EPS15: variants seen among roughly 807,000 people sequenced by gnomAD.
The protein encoded by EPS15 is epidermal growth factor receptor pathway substrate 15, also known as epidermal growth factor receptor substrate 15.
Under a neutral mutation model 113.8 loss-of-function variants are expected in EPS15, and 72 were observed. That is an observed-to-expected ratio of 0.63 (90% CI 0.52 to 0.77). EPS15 has a LOEUF of 0.77. Among genes scored for constraint, EPS15 ranks in the 30% least tolerant of loss-of-function variants. EPS15 has a pLI of 0.00. For missense variants in EPS15, 1,048 were observed against 1,045.8 expected, an observed-to-expected ratio of 1.00 and a Z score of -0.03; for synonymous variants, 344 against 363.4, an observed-to-expected ratio of 0.95 and a Z score of 0.61.
rs1457938397 is a variant in EPS15, at chr1:51,421,857, C to A, written c.1042G>T (p.Glu348Ter). 1.2e-6 allele frequency: 2 copies of A among 1,611,444 alleles called. No homozygotes were observed. Among genetic ancestry groups the A allele is most frequent in the Non-Finnish European group, 1.7e-6 (2 of 1,178,444 alleles). Residue 348 changes from glutamate to a stop codon, truncating the protein, a stop_gained and splice_region_variant, in exon 13 of 25, where the codon GAA (glutamate) becomes TAA (stop). Coordinates refer to ENST00000371733, the MANE Select transcript of EPS15 (RefSeq NM_001981.3). LOFTEE classifies it high-confidence loss of function. ...AGGTCCTGTTCCACATTATTCTTTT[C>A]CCTAGAAGACCAGCAAACAATGCAA... Reference protein sequence around the residue: ...LNNEIVDLQREKNNVEQDLKE... With the variant: ...LNNEIVDLQR
chr1:51,419,786 A>G (rs1650573275), intron 13 of EPS15, among the ~76,000 whole-genome samples: 1 of 152,126 alleles, frequency 6.6e-6, no homozygotes, highest in Non-Finnish European at 1.5e-5. Context: ...CCAATGGGTA[A>G]ATCAGAGTTA....
chr1:51,448,998 T>C (rs899429830), intron 8 of EPS15, among the ~76,000 whole-genome samples: 4 of 152,182 alleles, frequency 2.6e-5, no homozygotes, highest in African/African-American at 9.7e-5. Flanking sequence ...CTGGTGGGAA[T>C]GTAAAGTAGT....
chr1:51,432,905 C>A (rs1387123377), intron 12 of EPS15, among the ~76,000 whole-genome samples: 1 of 152,126 alleles, frequency 6.6e-6, no homozygotes, highest in African/African-American at 2.4e-5. Context: ...ACAAAAGAGA[C>A]CTTTTAGTGT....
At chr1:51,451,284 T>C (rs967718406) in intron 8 of EPS15, among the ~76,000 whole-genome samples, 1 of 150,790 alleles carries the variant, frequency 6.6e-6, no homozygotes, top group African/African-American at 2.5e-5. Flanking sequence ...AGGTCAGGAG[T>C]TCGAAACCAG....
intron 23 of EPS15, among the ~76,000 whole-genome samples, chr1:51,362,484 T>G (rs1356957269): frequency 6.6e-6 from 1 of 152,164 alleles, no homozygotes; most frequent in Non-Finnish European, 1.5e-5. Flanking sequence ...ACTTAAGATT[T>G]AAAAAAACAA....
At chr1:51,496,117 C>G (rs1400418834) in intron 1 of EPS15, among the ~76,000 whole-genome samples, 1 of 152,122 alleles carries the variant, frequency 6.6e-6, no homozygotes, top group Non-Finnish European at 1.5e-5. Context: ...CTAGTCTAGG[C>G]ACTTACACAT....
At chr1:51,409,443 A>G in intron 14 of EPS15, 92 bp downstream of exon 14, 2 of 1,240,578 alleles carry the variant, frequency 1.6e-6, no homozygotes, top group Non-Finnish European at 2.2e-6. Flanking sequence ...AACCACCACC[A>G]TCAATAACAA....
intron 12 of EPS15, among the ~76,000 whole-genome samples, chr1:51,428,868 A>G (rs903930285): frequency 1.4e-5 from 2 of 147,828 alleles, no homozygotes; most frequent in Non-Finnish European, 3.0e-5. Flanking sequence ...AAGGCAGAGG[A>G]GAGAATGGAG....
chr1:51,396,102 A>C (rs1439906282), intron 20 of EPS15, among the ~76,000 whole-genome samples: 1 of 152,244 alleles, frequency 6.6e-6, no homozygotes, highest in Admixed American at 6.5e-5. Flanking sequence ...AATGATAAAA[A>C]GTAATGATAG....
At chr1:51,503,006 CAAAA>C (rs56340331) in intron 1 of EPS15, among the ~76,000 whole-genome samples, 1 of 67,420 alleles carries the variant, frequency 1.5e-5, no homozygotes, top group Admixed American at 1.8e-4. Context: ...GACTCTGTCT[CAAAA>C]AAAAAAAAAA....
intron 24 of EPS15, among the ~76,000 whole-genome samples, chr1:51,357,391 A>AAATATATAT (rs1491245303): frequency 3.0e-5 from 2 of 65,730 alleles, no homozygotes; most frequent in African/African-American, 7.0e-5. Flanking sequence ...AAAAAAAAAA[A>AAATATATAT]ATATATATAT....
In EPS15 at chr1:51,519,214, C is replaced by A. The variant is rs766653340; in HGVS notation, c.18G>T (p.Gln6His). MAAAA[Q>H]LSLTQLSSGN... Reference sequence around the variant, plus strand: ...GTGGCGTTACCTGTGTCAGAGAGAGCTGGGCCGCCGCAGCCATGGTGTTTC... The same window carrying A: ...GTGGCGTTACCTGTGTCAGAGAGAGATGGGCCGCCGCAGCCATGGTGTTTC... The change falls in exon 1 of 25, where the codon CAG becomes CAT. Residue 6 changes from glutamine (Q) to histidine (H), a missense_variant. Transcript: ENST00000371733. The A allele has an allele frequency of 2.2e-6, 3 of 1,348,256 alleles. No individual in the cohort carries two copies. Among genetic ancestry groups the A allele is most frequent in the Admixed American group, 2.7e-5 (1 of 37,188 alleles). 83.5% of individuals were successfully genotyped at this position (1,348,256 alleles called of 1,614,324 possible).
intron 20 of EPS15, among the ~76,000 whole-genome samples, chr1:51,398,120 C>A (rs1157975831): frequency 6.7e-6 from 1 of 150,334 alleles, no homozygotes; most frequent in East Asian, 2.0e-4. Flanking sequence ...GTGGCGCGAT[C>A]TCGGCTCACT....
chr1:51,357,413 TA>T (rs1646254912), intron 24 of EPS15, among the ~76,000 whole-genome samples: 3 of 59,352 alleles, frequency 5.1e-5, no homozygotes, highest in African/African-American at 9.2e-5. Flanking sequence ...TATATATATA[TA>T]TATATATATA....
At chr1:51,448,287 G>A in intron 8 of EPS15, 152 bp from the exon 9 acceptor site, 1 of 451,806 alleles carries the variant, frequency 2.2e-6, no homozygotes, top group Non-Finnish European at 4.0e-6. Flanking sequence ...AAATGAGGGA[G>A]GGATGAAAGG....
intron 21 of EPS15, chr1:51,373,371 C>T (rs565482018): frequency 6.6e-6 from 1 of 152,386 alleles, no homozygotes; most frequent in African/African-American, 2.4e-5. Context: ...GATCTCAAAC[C>T]TAAACTGCAG....
chr1:51,377,652 A>C (rs1646832348), intron 21 of EPS15, among the ~76,000 whole-genome samples: 2 of 152,188 alleles, frequency 1.3e-5, no homozygotes, highest in African/African-American at 4.8e-5. Context: ...GACGGATACC[A>C]ATTTTCAAAG....
intron 12 of EPS15, among the ~76,000 whole-genome samples, chr1:51,427,041 T>C (rs1359207857): frequency 1.3e-5 from 2 of 152,028 alleles, no homozygotes; most frequent in East Asian, 3.9e-4. Flanking sequence ...GGTAGGTCAT[T>C]TCATCTTTTT....
chr1:51,407,656 G>A (rs1190030940), intron 15 of EPS15, among the ~76,000 whole-genome samples: 6 of 152,202 alleles, frequency 3.9e-5, no homozygotes, highest in Non-Finnish European at 7.3e-5. Context: ...TAGCAAATGT[G>A]AATTCAAAAT....
Sources: gnomAD v4.1 joint callset for allele counts (sites outside exome capture counted in the v4.1 genomes callset) on GRCh38, gnomAD v4.1.1 for gene constraint, MANE v1.5 for transcripts, NCBI Gene and HGNC (gene_info 2026-07-23, HGNC 2026-07-21) for gene names.